CFAP61: variants seen among roughly 807,000 people sequenced by gnomAD.
The protein encoded by CFAP61 is cilia and flagella associated protein 61, also known as cilia- and flagella-associated protein 61.
A neutral mutation model predicts 135.6 loss-of-function variants in CFAP61; 107 were observed. The ratio of observed to expected loss-of-function variants is 0.79; its 90% CI spans 0.67 to 0.93. The LOEUF is 0.93. Among genes scored for constraint, CFAP61 ranks in the 40% least tolerant of loss-of-function variants. CFAP61 has a pLI of 0.00. For synonymous variants in CFAP61, 575 were observed against 578.5 expected, an observed-to-expected ratio of 0.99 and a Z score of 0.09; for missense variants, 1,507 against 1,556.2, an observed-to-expected ratio of 0.97 and a Z score of 0.53.
chr20:20,166,371 G>C lies in CFAP61; in HGVS notation c.1206-26G>C, dbSNP rs781301793. Reference sequence around the variant, plus strand: ...ATGTTGCATTTGCTTGCAGGGCACTGACAGTGCTTACTGTCTTGTTTACAG... The same window carrying C: ...ATGTTGCATTTGCTTGCAGGGCACTCACAGTGCTTACTGTCTTGTTTACAG... On this transcript the variant is annotated intron_variant, in intron 11 of 26. Coordinates refer to ENST00000245957, the MANE Select transcript of CFAP61 (RefSeq NM_015585.4). 17 of 1,609,764 alleles carry C rather than the reference G, an allele frequency of 1.1e-5. 1 individual carries two copies. In the South Asian group the frequency reaches 1.9e-4, roughly 18 times the overall value.
At chr20:20,277,563 T>C in intron 22 of CFAP61, 105 bp downstream of exon 22, 2 of 1,237,134 alleles carry the variant, frequency 1.6e-6, no homozygotes, top group Non-Finnish European at 2.3e-6. Context: ...TAGTACCAGA[T>C]GTTGGATTTT....
chr20:20,125,388 T>A (rs1372236208), intron 8 of CFAP61, among the ~76,000 whole-genome samples: 1 of 151,800 alleles, frequency 6.6e-6, no homozygotes, highest in East Asian at 1.9e-4. Flanking sequence ...CCACCTTTGC[T>A]GTATCTCAGA....
intron 20 of CFAP61, among the ~76,000 whole-genome samples, chr20:20,257,543 G>A (rs1601665443): frequency 2.0e-5 from 3 of 151,520 alleles, no homozygotes; most frequent in African/African-American, 7.3e-5. Context: ...TGAACCAGGA[G>A]GCAGAGGTTG....
At chr20:20,140,419 C>T (rs1401721390) in intron 8 of CFAP61, among the ~76,000 whole-genome samples, 1 of 82,712 alleles carries the variant, frequency 1.2e-5, no homozygotes, top group East Asian at 2.1e-4. Context: ...GTTCATTTCC[C>T]ACCTATGAGT....
intron 3 of CFAP61, among the ~76,000 whole-genome samples, chr20:20,072,349 T>C (rs1268414687): frequency 2.6e-5 from 4 of 151,970 alleles, no homozygotes; most frequent in Non-Finnish European, 4.4e-5. Flanking sequence ...TCTCCTGACC[T>C]CGTGATCCAC....
At chr20:20,176,808 A>G (rs569722551) in intron 13 of CFAP61, among the ~76,000 whole-genome samples, 17 of 152,104 alleles carry the variant, frequency 1.1e-4, no homozygotes, top group Non-Finnish European at 1.9e-4. Flanking sequence ...GGTGCAACAA[A>G]CCACCGTGGC....
chr20:20,166,470 G>A (rs367840801), intron 12 of CFAP61, 34 bp downstream of exon 12: 2 of 1,553,328 alleles, frequency 1.3e-6, no homozygotes, highest in South Asian at 2.2e-5. Flanking sequence ...AACTGATTTT[G>A]TAAGCTTAGA....
At chr20:20,107,273 C>T (rs749951027) in intron 8 of CFAP61, among the ~76,000 whole-genome samples, 10 of 152,188 alleles carry the variant, frequency 6.6e-5, no homozygotes, top group Non-Finnish European at 1.5e-4. Context: ...TGAAGCTCAA[C>T]ATGAAGCCAG....
chr20:20,344,678 A>G (rs1295769091), intron 26 of CFAP61, among the ~76,000 whole-genome samples: 1 of 152,218 alleles, frequency 6.6e-6, no homozygotes, highest in East Asian at 1.9e-4. Context: ...TAGCCACTGT[A>G]GAGAACAGTC....
intron 21 of CFAP61, 51 bp from the exon 22 acceptor site, chr20:20,277,115 G>A (rs17310726): frequency 0.1 from 143,097 of 1,420,550 alleles, 7,944 homozygotes; most frequent in Non-Finnish European, 0.11. Flanking sequence ...TTTGACTAAG[G>A]TTTTTTGGTT....
chr20:20,100,260 C>A (rs1186500568), intron 8 of CFAP61, among the ~76,000 whole-genome samples: 1 of 151,802 alleles, frequency 6.6e-6, no homozygotes, highest in African/African-American at 2.4e-5. Context: ...GCAACCTCTG[C>A]CTCCAGGGTT....
chr20:20,155,429 A>G (rs1168861587), intron 9 of CFAP61, among the ~76,000 whole-genome samples: 1 of 152,224 alleles, frequency 6.6e-6, no homozygotes, highest in Non-Finnish European at 1.5e-5. Context: ...GGACCTAATT[A>G]AACTAAAAAG....
chr20:20,189,880 CGCCTCCCGGGTTCAAGGGATTCTCCT>C, intron 14 of CFAP61, among the ~76,000 whole-genome samples: 1 of 152,254 alleles, frequency 6.6e-6, no homozygotes, highest in South Asian at 2.1e-4. Context: ...CTGCAACCTC[CGCCTCCCGGGTTCAAGGGATTCTCCT>C]GCCTCAGCCT....
At chr20:20,279,541 C>A (rs1271400492) in intron 22 of CFAP61, among the ~76,000 whole-genome samples, 2 of 151,958 alleles carry the variant, frequency 1.3e-5, no homozygotes, top group Non-Finnish European at 2.9e-5. Context: ...ATTGTCTTCA[C>A]GTTGAGTAGG....
intron 13 of CFAP61, among the ~76,000 whole-genome samples, chr20:20,170,722 A>G (rs1303675445): frequency 6.6e-6 from 1 of 152,240 alleles, no homozygotes; most frequent in Non-Finnish European, 1.5e-5. Flanking sequence ...TGTTCACTTC[A>G]TAATTAGGGA....
chr20:20,176,417 T>C lies in CFAP61; in HGVS notation c.1385+6957T>C, dbSNP rs565791427. Among the ~76,000 whole-genome samples the C allele has an allele frequency of 5.1e-3, 740 of 146,396 alleles. 4 individuals carry two copies. The highest frequency in any genetic ancestry group is 0.018 in the African/African-American group (706 of 38,666). On this transcript the variant is annotated intron_variant, in intron 13 of 26. Coordinates refer to ENST00000245957, the MANE Select transcript of CFAP61 (RefSeq NM_015585.4). ...GCACGCATATGTTCATTGCGCACCGTTCATACTTGCAAAGACATGGAATTA... is the reference window on the plus strand; with the variant it reads ...GCACGCATATGTTCATTGCGCACCGCTCATACTTGCAAAGACATGGAATTA...
At chr20:20,162,272 A>G (rs1178712881) in intron 10 of CFAP61, among the ~76,000 whole-genome samples, 1 of 152,196 alleles carries the variant, frequency 6.6e-6, no homozygotes, top group Non-Finnish European at 1.5e-5. Flanking sequence ...AGAACCCTTC[A>G]TGTGATGACA....
intron 2 of CFAP61, among the ~76,000 whole-genome samples, chr20:20,057,141 A>AG (rs1193044569): frequency 6.6e-6 from 1 of 150,622 alleles, no homozygotes; most frequent in African/African-American, 2.4e-5. Context: ...AAAAAAAAAA[A>AG]GAAGGTTCCT....
In CFAP61 at chr20:20,120,181, GT is replaced by G. The variant is rs539810211; in HGVS notation, c.859+21371del. On this transcript the variant is annotated intron_variant, in intron 8 of 26. Coordinates refer to ENST00000245957, the MANE Select transcript of CFAP61 (RefSeq NM_015585.4). ...ATTTCATTTCTTCCACTAATTTTGT[GT>G]TTTGTTTGCTCTTGCTTTTCTAGTT... Among the ~76,000 whole-genome samples, 36 of 152,204 alleles carry G rather than the reference GT, an allele frequency of 2.4e-4. No homozygotes were observed. The East Asian group carries it at 6.6e-3, about 28-fold the overall frequency.
Sources: allele counts gnomAD v4.1 joint callset (sites outside exome capture counted in the v4.1 genomes callset), GRCh38; gene constraint gnomAD v4.1.1; transcripts MANE v1.5; gene names NCBI Gene and HGNC (gene_info 2026-07-23, HGNC 2026-07-21).